The following LRP1B variants were observed in gnomAD, a reference collection of about 807,000 sequenced individuals.
LRP1B encodes the protein low-density lipoprotein receptor-related protein 1B.
A neutral mutation model predicts 556.6 loss-of-function variants in LRP1B; 217 were observed. That is an observed-to-expected ratio of 0.39 (90% CI 0.35 to 0.44). The LOEUF (loss-of-function observed/expected upper bound fraction) is 0.44, where lower values mean the gene tolerates loss of function less well. LRP1B is among the 20% of genes least tolerant of loss of function. The pLI is 1.00. For missense variants in LRP1B, 5,053 were observed against 5,620.8 expected (o/e 0.90, Z 3.23); for synonymous variants, 2,047 against 1,865.8 (o/e 1.10, Z -2.50).
chr2:140,776,505 T>TTTTTTTTTTTTTTTGAG (rs1402600516), intron 32 of LRP1B, among the ~76,000 whole-genome samples: 1 of 148,476 alleles, frequency 6.7e-6, no homozygotes, highest in South Asian at 2.2e-4. Context: ...TCTTATATTT[T>TTTTTTTTTTTTTTTGAG]ACATAACATG....
At position 141,867,678 on chromosome 2, in the gene LRP1B, C is replaced by T. The variant is rs950123959; in HGVS notation, c.83-57277G>A. Reference sequence around the variant, plus strand: ...TAGTTATCTTATGATATTATTGATACAACAATAACTATTATTTTTCAATAA... The same window carrying T: ...TAGTTATCTTATGATATTATTGATATAACAATAACTATTATTTTTCAATAA... On this transcript the variant is annotated intron_variant, in intron 1 of 90. Transcript: ENST00000389484. Among the ~76,000 whole-genome samples the T allele has an allele frequency of 9.2e-5, 14 of 152,142 alleles. No homozygotes were observed. The East Asian group carries it at 2.3e-3, about 25-fold the overall frequency.
At chr2:140,503,184 C>T (rs1349516024) in intron 53 of LRP1B, 81 bp from the exon 54 acceptor site, 12 of 1,230,672 alleles carry the variant, frequency 9.8e-6, no homozygotes, top group East Asian at 4.7e-5. Flanking sequence ...TACACTACAC[C>T]GGATTAATGT....
At chr2:141,252,381 ACT>A (rs1684296962) in intron 4 of LRP1B, among the ~76,000 whole-genome samples, 1 of 152,110 alleles carries the variant, frequency 6.6e-6, no homozygotes, top group Non-Finnish European at 1.5e-5. Flanking sequence ...AAATTGTGAA[ACT>A]CTGCATTTGT....
intron 2 of LRP1B, among the ~76,000 whole-genome samples, chr2:141,519,396 TATATATGA>T (rs1423258820): frequency 4.6e-5 from 1 of 21,758 alleles, no homozygotes; most frequent in African/African-American, 1.9e-4. Context: ...TATATATATA[TATATATGA>T]AATGCAATAT....
chr2:141,563,110 G>A (rs552979996), intron 2 of LRP1B, among the ~76,000 whole-genome samples: 6 of 152,062 alleles, frequency 3.9e-5, no homozygotes, highest in Non-Finnish European at 8.8e-5. Context: ...TGGGTATTAG[G>A]TGATTGTTAG....
chr2:140,701,839 A>G lies in LRP1B; in HGVS notation c.6309T>C (p.His2103=), dbSNP rs2105426583. The stretch of plus-strand genomic sequence containing the variant: ...GGCCCCTTCTGACAGACCCGTTTGC[A>G]TGTGCTCTGCCAAAAAGTTGAACAT... ...GAYIYWSDRA[H]ANGSVRRGHK... The change falls in exon 40 of 91, where the codon CAT becomes CAC. Residue 2103 remains histidine (H), a synonymous_variant. Transcript: ENST00000389484. The G allele has an allele frequency of 1.9e-6, 3 of 1,612,860 alleles. No homozygotes were observed. The highest frequency in any genetic ancestry group is 2.5e-6 in the Non-Finnish European group (3 of 1,179,280).
At chr2:140,670,096 T>G in intron 41 of LRP1B, among the ~76,000 whole-genome samples, 1 of 152,292 alleles carries the variant, frequency 6.6e-6, no homozygotes, top group South Asian at 2.1e-4. Context: ...CAATGGGAAT[T>G]AACAATACCA....
chr2:141,740,498 A>C (rs1693655947), intron 2 of LRP1B, among the ~76,000 whole-genome samples: 1 of 152,184 alleles, frequency 6.6e-6, no homozygotes, highest in Non-Finnish European at 1.5e-5. Flanking sequence ...CAGTTACAAG[A>C]GATATTTTGA....
At chr2:140,699,017 C>A (rs1326189871) in intron 41 of LRP1B, among the ~76,000 whole-genome samples, 1 of 151,992 alleles carries the variant, frequency 6.6e-6, no homozygotes, top group Non-Finnish European at 1.5e-5. Context: ...TACAAGACTT[C>A]TACTCTAATT....
At chr2:141,309,844 T>G (rs564843502) in intron 3 of LRP1B, among the ~76,000 whole-genome samples, 95 of 151,976 alleles carry the variant, frequency 6.3e-4, no homozygotes, top group African/African-American at 2.2e-3. Context: ...CCACTTTTTT[T>G]TATAAGAAAT....
chr2:140,853,680 T>TA, intron 27 of LRP1B, among the ~76,000 whole-genome samples: 1 of 60,858 alleles, frequency 1.6e-5, no homozygotes, highest in Non-Finnish European at 4.3e-5. Flanking sequence ...TTGTATTTGT[T>TA]AAAAACAATA....
intron 90 of LRP1B, among the ~76,000 whole-genome samples, chr2:140,233,652 A>G (rs1680569356): frequency 6.6e-6 from 1 of 151,230 alleles, no homozygotes; most frequent in Non-Finnish European, 1.5e-5. Flanking sequence ...AAAATGTGAA[A>G]CTAAATTGTC....
At chr2:140,475,414 G>T (rs1687933235) in intron 59 of LRP1B, 77 bp from the exon 60 acceptor site, 1 of 1,091,986 alleles carries the variant, frequency 9.2e-7, no homozygotes, top group South Asian at 1.8e-5. Context: ...TTACTTTTTT[G>T]CTCAACTGTT....
At position 140,394,413 on chromosome 2, in the gene LRP1B, G is replaced by A. The variant is rs891218699; in HGVS notation, c.10415-8404C>T. Among the ~76,000 whole-genome samples, 13 of 152,126 alleles carry A rather than the reference G, an allele frequency of 8.5e-5. No homozygotes were observed. In the South Asian group the frequency reaches 1.0e-3, roughly 12 times the overall value. ...GAGAGGCACTGAGGAGGCAGTACAG[G>A]GATTGTATGGTGGCCAGGTGATGTC... On this transcript the variant is annotated intron_variant, in intron 66 of 90. Transcript: ENST00000389484.
intron 4 of LRP1B, among the ~76,000 whole-genome samples, chr2:141,253,211 A>G (rs762918659): frequency 5.3e-5 from 8 of 152,120 alleles, no homozygotes; most frequent in Non-Finnish European, 1.0e-4. Flanking sequence ...CACCATTTTT[A>G]TCTGGCTGAT....
intron 41 of LRP1B, among the ~76,000 whole-genome samples, chr2:140,651,093 C>T (rs1055853661): frequency 6.6e-5 from 10 of 151,876 alleles, no homozygotes; most frequent in Admixed American, 2.0e-4. Context: ...TCTTTTCTTC[C>T]GAATGGCCTT....
intron 66 of LRP1B, among the ~76,000 whole-genome samples, chr2:140,434,179 C>T (rs1216160411): frequency 6.6e-6 from 1 of 152,040 alleles, no homozygotes; most frequent in African/African-American, 2.4e-5. Flanking sequence ...AAACGATTCT[C>T]CTGCCTCAGC....
At chr2:141,907,913 C>G (rs1699802769) in intron 1 of LRP1B, among the ~76,000 whole-genome samples, 1 of 151,916 alleles carries the variant, frequency 6.6e-6, no homozygotes, top group African/African-American at 2.4e-5. Context: ...TTTCCTGACC[C>G]CTATTTAAAA....
intron 20 of LRP1B, among the ~76,000 whole-genome samples, chr2:140,935,332 T>C (rs1695171574): frequency 6.6e-6 from 1 of 152,052 alleles, no homozygotes; most frequent in African/African-American, 2.4e-5. Context: ...TTGATATCTT[T>C]AAAGAGCTAA....
Sources: allele counts gnomAD v4.1 joint callset (sites outside exome capture counted in the v4.1 genomes callset), GRCh38; gene constraint gnomAD v4.1.1; transcripts MANE v1.5; gene names NCBI Gene and HGNC (gene_info 2026-07-23, HGNC 2026-07-21).